The following LOXHD1 variants were observed in gnomAD, a reference collection of about 807,000 sequenced individuals.
LOXHD1 encodes the protein lipoxygenase homology PLAT domains 1.
A neutral mutation model predicts 248.2 loss-of-function variants in LOXHD1; 205 were observed. The observed-to-expected ratio is 0.83, with a 90% CI of 0.74 to 0.93. LOXHD1 has a LOEUF of 0.93. Ranked by LOEUF, LOXHD1 falls within the 40% of genes least tolerant of loss-of-function variation. The pLI is 0.00. For synonymous variants in LOXHD1, 1,113 were observed against 1,162.8 expected, an observed-to-expected ratio of 0.96 and a Z score of 0.87; for missense variants, 2,930 against 2,971.6, an observed-to-expected ratio of 0.99 and a Z score of 0.33.
chr18:46,562,529 A>G (rs2037550809), intron 18 of LOXHD1, among the ~76,000 whole-genome samples: 1 of 152,182 alleles, frequency 6.6e-6, no homozygotes, highest in African/African-American at 2.4e-5. Flanking sequence ...GACCTGGGAT[A>G]CTCAGGAAAC....
chr18:46,622,741 CT>C (rs2038686030), intron 4 of LOXHD1, among the ~76,000 whole-genome samples: 1 of 152,228 alleles, frequency 6.6e-6, no homozygotes, highest in Non-Finnish European at 1.5e-5. Flanking sequence ...GCAGGGCCAA[CT>C]TTCCCTGCCC....
intron 8 of LOXHD1, among the ~76,000 whole-genome samples, chr18:46,594,911 T>C (rs542134154): frequency 2.0e-5 from 3 of 152,308 alleles, no homozygotes; most frequent in African/African-American, 7.2e-5. Flanking sequence ...TCATTCAACC[T>C]TCTCTCTTAT....
chr18:46,534,855 C>T (rs1322082012), intron 26 of LOXHD1, among the ~76,000 whole-genome samples: 1 of 152,212 alleles, frequency 6.6e-6, no homozygotes, highest in African/African-American at 2.4e-5. Context: ...AGGCCCCAGG[C>T]CCCTAAGAGT....
At position 46,524,586 on chromosome 18, in the gene LOXHD1, G is replaced by T. The variant is rs773223976; in HGVS notation, c.4756C>A (p.Arg1586Ser). 1.3e-6 allele frequency: 2 copies of T among 1,551,558 alleles called. No homozygotes were observed. The highest frequency in any genetic ancestry group is 1.4e-5 in the African/African-American group (1 of 73,026). Residue 1586 changes from arginine (R) to serine (S), a missense_variant, in exon 31 of 41, where the codon CGC becomes AGC. Coordinates refer to ENST00000642948, the MANE Select transcript of LOXHD1 (RefSeq NM_001384474.1). ...GCAGGGCTGCTGCAGTTGCTGCTGC[G>T]GTCCCCAGTGTACTCCTGTGTGGGA... ...LFYEKEYTGD[R>S]SSNCSSPADF... is the part of the protein sequence containing the mutation.
At chr18:46,566,544 A>G (rs1290725581) in intron 16 of LOXHD1, 95 bp from the exon 17 acceptor site, 1 of 1,050,700 alleles carries the variant, frequency 9.5e-7, no homozygotes, top group Non-Finnish European at 1.4e-6. Flanking sequence ...ACAAAACACA[A>G]CCCAGGTCTC....
chr18:46,538,448 A>T (rs2036414515), intron 25 of LOXHD1, 111 bp from the exon 26 acceptor site: 2 of 1,083,122 alleles, frequency 1.8e-6, no homozygotes, highest in Non-Finnish European at 2.7e-6. Context: ...TGCACTGGGG[A>T]ACTGCTGCCC....
At chr18:46,601,159 C>A (rs1734353447) in intron 8 of LOXHD1, 58 bp downstream of exon 8, 1 of 1,516,906 alleles carries the variant, frequency 6.6e-7, no homozygotes, top group South Asian at 1.3e-5. Context: ...TTTGTACTTG[C>A]AAGTTAAAGA....
intron 6 of LOXHD1, among the ~76,000 whole-genome samples, chr18:46,606,294 C>T (rs986857704): frequency 6.6e-6 from 1 of 152,028 alleles, no homozygotes. Context: ...AGGCATGAAA[C>T]GTTTGTCACA....
intron 40 of LOXHD1, among the ~76,000 whole-genome samples, chr18:46,483,214 A>G (rs1166901122): frequency 6.6e-6 from 1 of 152,156 alleles, no homozygotes; most frequent in Non-Finnish European, 1.5e-5. Flanking sequence ...GACCGTGTAA[A>G]CAGCAGGCTT....
intron 28 of LOXHD1, among the ~76,000 whole-genome samples, chr18:46,532,240 A>C (rs544243686): frequency 6.6e-6 from 1 of 152,354 alleles, no homozygotes; most frequent in South Asian, 2.1e-4. Context: ...AGGGGTAGAA[A>C]GTCTGTTTTT....
chr18:46,593,952 C>T (rs1684936813), intron 9 of LOXHD1, among the ~76,000 whole-genome samples, 192 bp from the exon 10 acceptor site: 1 of 152,188 alleles, frequency 6.6e-6, no homozygotes, highest in South Asian at 2.1e-4. Flanking sequence ...AAATAAGGTG[C>T]TATAATGTTC....
chr18:46,576,623 G>C (rs989323597), intron 14 of LOXHD1, among the ~76,000 whole-genome samples: 4 of 152,174 alleles, frequency 2.6e-5, no homozygotes, highest in Non-Finnish European at 5.9e-5. Context: ...GGAGCTGCCT[G>C]CATTATTACT....
intron 29 of LOXHD1, among the ~76,000 whole-genome samples, chr18:46,525,144 G>C (rs899559018): frequency 2.0e-5 from 3 of 152,196 alleles, no homozygotes; most frequent in African/African-American, 7.2e-5. Context: ...TGGTGCCATG[G>C]AGAAAACTGC....
At position 46,547,105 on chromosome 18, in the gene LOXHD1, C is replaced by A. The variant is rs1486619888; in HGVS notation, c.3351-47G>T. On this transcript the variant is annotated intron_variant, in intron 21 of 40. Transcript: ENST00000642948. ...GATTGGAATGTCCTCTTAGAAAGGT[C>A]TCGTCCAGGAGCAGTCATGGGCTGA... 6 of 1,549,576 alleles carry A rather than the reference C, an allele frequency of 3.9e-6. No homozygotes were observed. The East Asian group carries it at 9.8e-5, about 25-fold the overall frequency.
Position 46,494,849 on chromosome 18 carries a change from C to CTTTTT in LOXHD1, c.5879-5712_5879-5708dup, listed in dbSNP as rs58016824. The stretch of plus-strand genomic sequence containing the variant: ...TTTTCTTTCTCCTTTTTCTCTCTCT[C>CTTTTT]TTTTTTTTTTTTTTTTTTTTTTGAG... On this transcript the variant is annotated intron_variant, in intron 37 of 40. Transcript: ENST00000642948. Among the ~76,000 whole-genome samples the CTTTTT allele has an allele frequency of 3.7e-3, 357 of 96,550 alleles. 12 individuals carry two copies. Among genetic ancestry groups the CTTTTT allele is most frequent in the Non-Finnish European group, 4.3e-3 (207 of 48,570 alleles). 63.3% of individuals were successfully genotyped at this position (96,550 alleles called of 152,430 possible). A position where few individuals can be genotyped will look rare whatever the true frequency, so the allele number is the denominator to read the frequency against.
At chr18:46,563,503 A>G (rs2037572394) in intron 17 of LOXHD1, among the ~76,000 whole-genome samples, 1 of 152,180 alleles carries the variant, frequency 6.6e-6, no homozygotes, top group Non-Finnish European at 1.5e-5. Flanking sequence ...ACCAGGAAGG[A>G]GGAGGAGTCA....
At chr18:46,572,244 T>A in intron 14 of LOXHD1, 82 bp from the exon 15 acceptor site, 1 of 1,206,046 alleles carries the variant, frequency 8.3e-7, no homozygotes, top group Non-Finnish European at 1.2e-6. Context: ...GCAGAGTCAC[T>A]ATGGAGGCCC....
intron 7 of LOXHD1, 183 bp from the exon 8 acceptor site, chr18:46,601,650 T>G: frequency 7.8e-6 from 6 of 772,940 alleles, no homozygotes; most frequent in Non-Finnish European, 1.3e-5. Flanking sequence ...TTTCATCTTT[T>G]CCAGAGTTTG....
chr18:46,652,725 G>C (rs939903866), intron 1 of LOXHD1, among the ~76,000 whole-genome samples: 2 of 152,232 alleles, frequency 1.3e-5, no homozygotes, highest in African/African-American at 4.8e-5. Context: ...TACCAGATTT[G>C]TAGTAGCTTG....
Sources: allele counts gnomAD v4.1 joint callset (sites outside exome capture counted in the v4.1 genomes callset), GRCh38; gene constraint gnomAD v4.1.1; transcripts MANE v1.5; gene names NCBI Gene and HGNC (gene_info 2026-07-23, HGNC 2026-07-21).